Variants in STK38L observed in about 807,000 individuals in gnomAD.
The protein encoded by STK38L is serine/threonine-protein kinase 38-like.
STK38L carries 28 observed loss-of-function variants against 59.7 expected under a neutral mutation model. The ratio of observed to expected loss-of-function variants is 0.47; its 90% confidence interval spans 0.35 to 0.64. The LOEUF (loss-of-function observed/expected upper bound fraction) is 0.64, where lower values mean the gene tolerates loss of function less well. STK38L is among the 30% of genes least tolerant of loss of function. STK38L has a pLI of 0.01. For missense variants in STK38L, 314 were observed against 555.8 expected, an observed-to-expected ratio of 0.56 and a Z score of 4.37; for synonymous variants, 162 against 176.8, an observed-to-expected ratio of 0.92 and a Z score of 0.66.
At chr12:27,247,049 A>C (rs1214423231) in intron 1 of STK38L, among the ~76,000 whole-genome samples, 1 of 152,230 alleles carries the variant, frequency 6.6e-6, no homozygotes. Context: ...CAATTAAGGA[A>C]GACTGAAATA....
chr12:27,289,517 A>T (rs1177772310), intron 1 of STK38L, among the ~76,000 whole-genome samples: 1 of 152,256 alleles, frequency 6.6e-6, no homozygotes, highest in Non-Finnish European at 1.5e-5. Flanking sequence ...AACAGTTTTG[A>T]AAATGAAAAT....
Position 27,308,270 on chromosome 12 carries a change from T to C in STK38L, c.187-69T>C. ...ATTTATTTTTACGTGTATCATCTTT[T>C]AATACTAGAAGCTCCATCAAAACAA... On this transcript the variant is annotated intron_variant, in intron 3 of 13. Coordinates refer to ENST00000389032, the MANE Select transcript of STK38L (RefSeq NM_015000.4). The surrounding 1 kb of genome is among the most constrained non-coding windows in gnomAD (Gnocchi z 4.5). The C allele has an allele frequency of 7.3e-7, 1 of 1,369,468 alleles. No individual in the cohort carries two copies. The highest frequency in any genetic ancestry group is 9.7e-7 in the Non-Finnish European group (1 of 1,034,512). The allele number at this position is 1,369,468 out of a possible 1,614,324, so 84.8% of individuals were successfully genotyped here.
intron 9 of STK38L, among the ~76,000 whole-genome samples, chr12:27,315,864 T>C (rs1265567279): frequency 1.3e-5 from 2 of 152,202 alleles, no homozygotes; most frequent in Non-Finnish European, 2.9e-5. Context: ...TCCTTTAATA[T>C]AGAATTACAT....
Position 27,308,455 on chromosome 12 carries a change from T to C in STK38L, c.303T>C (p.Phe101=). The C allele has an allele frequency of 3.2e-6, 5 of 1,578,336 alleles. No homozygotes were observed. Among genetic ancestry groups the C allele is most frequent in the Non-Finnish European group, 4.3e-6 (5 of 1,163,328 alleles). ...ESLKVIGRGA[F]GEVRLVQKKD... ...TGAAAGTTATAGGAAGAGGAGCTTT[T>C]GGAGAGGTGTGCTTCTTTTTAAAAG... The change falls in exon 4 of 14, where the codon TTT becomes TTC. Residue 101 remains phenylalanine, a synonymous_variant. Transcript: ENST00000389032. This position sits in a 1 kb window ranked among gnomAD's most constrained non-coding sequence, Gnocchi z 4.5.
At chr12:27,248,930 T>C (rs1241687378) in intron 1 of STK38L, among the ~76,000 whole-genome samples, 2 of 152,260 alleles carry the variant, frequency 1.3e-5, no homozygotes, top group East Asian at 3.8e-4. Context: ...GATTGGCAGA[T>C]CTTTAGCCCA....
intron 1 of STK38L, among the ~76,000 whole-genome samples, chr12:27,269,143 T>G (rs1476883295): frequency 6.6e-6 from 1 of 152,238 alleles, no homozygotes; most frequent in Non-Finnish European, 1.5e-5. Flanking sequence ...ATTTGTCAAT[T>G]TTGGCTTTTG....
chr12:27,297,631 T>TTGAA, intron 1 of STK38L, 79 bp from the exon 2 acceptor site: 1 of 1,442,960 alleles, frequency 6.9e-7, no homozygotes, highest in Non-Finnish European at 9.3e-7. Flanking sequence ...TTAGTTGAAA[T>TTGAA]TGAACATTTT....
chr12:27,282,767 C>T lies in STK38L; in HGVS notation c.-11-14943C>T, dbSNP rs1204657775. ...AGTCTGAGATCCTTGATGTTTATTA[C>T]AGCATAGCTAAAAATACCCCCTAAA... On this transcript the variant is annotated intron_variant, in intron 1 of 13. Coordinates refer to ENST00000389032, the MANE Select transcript of STK38L (RefSeq NM_015000.4). 2.0e-5 allele frequency among the ~76,000 whole-genome samples: 3 copies of T among 152,136 alleles called. 1 individual carries two copies. Among genetic ancestry groups the T allele is most frequent in the Non-Finnish European group, 4.4e-5 (3 of 68,024 alleles).
intron 1 of STK38L, among the ~76,000 whole-genome samples, chr12:27,276,282 ATATTT>A (rs886078201): frequency 1.3e-5 from 2 of 152,182 alleles, no homozygotes; most frequent in African/African-American, 4.8e-5. Flanking sequence ...TAATCTGGAA[ATATTT>A]TAGTATGTAT....
intron 3 of STK38L, among the ~76,000 whole-genome samples, chr12:27,306,519 C>A (rs999884829): frequency 6.6e-6 from 1 of 151,730 alleles, no homozygotes; most frequent in South Asian, 2.1e-4. Context: ...TTTTTGAACA[C>A]CTATGTGCAA....
chr12:27,272,215 T>C (rs1943438943), intron 1 of STK38L, among the ~76,000 whole-genome samples: 1 of 152,150 alleles, frequency 6.6e-6, no homozygotes, highest in Non-Finnish European at 1.5e-5. Flanking sequence ...CTCTAAAAAT[T>C]GTAGGGTTAA....
chr12:27,260,387 T>C (rs1943179576), intron 1 of STK38L, among the ~76,000 whole-genome samples: 3 of 152,192 alleles, frequency 2.0e-5, no homozygotes, highest in Admixed American at 2.0e-4. Flanking sequence ...CTAGTGAAAG[T>C]AGGTATTTAA....
chr12:27,245,303 G>A (rs775132791), intron 1 of STK38L, among the ~76,000 whole-genome samples: 7 of 152,140 alleles, frequency 4.6e-5, no homozygotes, highest in Non-Finnish European at 1.0e-4. Context: ...TTTGAGAGAA[G>A]CCACTTAATC....
At chr12:27,306,689 G>A (rs1944321159) in intron 3 of STK38L, among the ~76,000 whole-genome samples, 1 of 136,422 alleles carries the variant, frequency 7.3e-6, no homozygotes, top group African/African-American at 2.8e-5. Flanking sequence ...GAATTTGCCA[G>A]TGTTGGTATT....
intron 1 of STK38L, 120 bp from the exon 2 acceptor site, chr12:27,297,590 G>C: frequency 1.1e-6 from 1 of 912,442 alleles, no homozygotes; most frequent in Admixed American, 3.0e-5. Context: ...TGAAATACTT[G>C]GATGTGTTAA....
rs750304673 is a variant in STK38L, at chr12:27,314,618, A to G, written c.632A>G (p.His211Arg). The G allele has an allele frequency of 1.9e-6, 3 of 1,608,332 alleles. No homozygotes were observed. The highest frequency in any genetic ancestry group is 2.5e-6 in the Non-Finnish European group (3 of 1,177,506). The change falls in exon 7 of 14, where the codon CAT becomes CGT. Residue 211 changes from histidine (H) to arginine (R), a missense_variant. His to Arg is a conservative substitution (Grantham distance 29, BLOSUM62 0). Transcript: ENST00000389032. ...GCGATCCACCAGTTGGGTTTCATCC[A>G]TCGGGATATTAAGCCAGACAACCTT... ...IDAIHQLGFIHRDIKPDNLLL... is the reference protein window; with the variant it reads ...IDAIHQLGFIRRDIKPDNLLL...
chr12:27,304,258 CAAA>C (rs34994566), intron 3 of STK38L, among the ~76,000 whole-genome samples: 6 of 62,860 alleles, frequency 9.5e-5, no homozygotes, highest in Non-Finnish European at 1.5e-4. Flanking sequence ...GAGTCTGTCT[CAAA>C]AAAAAAAAAA....
chr12:27,322,121 C>T (rs745512273), intron 12 of STK38L, 22 bp from the exon 13 acceptor site: 1 of 1,596,612 alleles, frequency 6.3e-7, no homozygotes, highest in African/African-American at 1.3e-5. Flanking sequence ...AGTTACCATG[C>T]ATACTTAATA....
Position 27,323,525 on chromosome 12 carries a change from T to C in STK38L, c.*1070T>C, listed in dbSNP as rs1450398877. 6.6e-6 allele frequency: 1 copy of C among 152,622 alleles called. No individual in the cohort carries two copies. Among genetic ancestry groups the C allele is most frequent in the Non-Finnish European group, 1.5e-5 (1 of 68,000 alleles). The allele number at this position is 152,622 out of a possible 1,614,324, so 9.5% of individuals were successfully genotyped here. The stretch of plus-strand genomic sequence containing the variant: ...AGTACTTGTATTATTGTGCCATTAT[T>C]TTCTTATGCTCCAAATGTACCAAAG... On this transcript the variant is annotated 3_prime_UTR_variant, in exon 14 of 14. Coordinates refer to ENST00000389032, the MANE Select transcript of STK38L (RefSeq NM_015000.4).
Sources: gnomAD v4.1 joint callset for allele counts (sites outside exome capture counted in the v4.1 genomes callset) on GRCh38, gnomAD v4.1.1 for gene constraint, Gnocchi (gnomAD v3.1) non-coding constraint, MANE v1.5 for transcripts, NCBI Gene and HGNC (gene_info 2026-07-23, HGNC 2026-07-21) for gene names.